Variants in DISP1 observed in about 807,000 individuals in gnomAD.
DISP1 encodes the protein dispatched RND transporter family member 1.
Under a neutral mutation model 37.3 loss-of-function variants are expected in DISP1, and 30 were observed. The ratio of observed to expected loss-of-function variants is 0.80; its 90% confidence interval spans 0.60 to 1.09. DISP1 has a LOEUF of 1.09. DISP1 is among the 50% of genes least tolerant of loss of function. DISP1 has a pLI of 0.00. For synonymous variants in DISP1, 634 were observed against 690.2 expected (o/e 0.92, Z 1.28); for missense variants, 1,598 against 1,879.5 (o/e 0.85, Z 2.77).
chr1:222,842,312 T>TAAA (rs764087826), intron 1 of DISP1, among the ~76,000 whole-genome samples: 11 of 146,922 alleles, frequency 7.5e-5, no homozygotes, highest in East Asian at 4.0e-4. Context: ...ACCTGTCATT[T>TAAA]TAAAAAAAAA....
intron 1 of DISP1, among the ~76,000 whole-genome samples, chr1:222,909,560 C>G (rs1204724304): frequency 6.6e-6 from 1 of 152,204 alleles, no homozygotes; most frequent in Non-Finnish European, 1.5e-5. Flanking sequence ...CCATGCTGAG[C>G]ACTCCAGTGT....
chr1:222,891,872 C>T (rs1011867302), intron 1 of DISP1, among the ~76,000 whole-genome samples: 2 of 151,636 alleles, frequency 1.3e-5, no homozygotes, highest in African/African-American at 2.4e-5. Flanking sequence ...ATATAAACAA[C>T]TATCTTAAGA....
At chr1:222,863,875 G>T (rs999675529) in intron 1 of DISP1, among the ~76,000 whole-genome samples, 3 of 151,896 alleles carry the variant, frequency 2.0e-5, no homozygotes, top group Non-Finnish European at 4.4e-5. Flanking sequence ...ATCTTTTTTG[G>T]TGTAATAAGA....
intron 1 of DISP1, among the ~76,000 whole-genome samples, chr1:222,870,700 C>T (rs909690905): frequency 2.0e-4 from 31 of 151,918 alleles, no homozygotes; most frequent in Non-Finnish European, 3.1e-4. Flanking sequence ...GCCCTTTGTC[C>T]GATGAGTAGA....
chr1:222,955,240 C>T (rs552321496), intron 3 of DISP1, among the ~76,000 whole-genome samples: 1 of 152,160 alleles, frequency 6.6e-6, no homozygotes, highest in East Asian at 1.9e-4. Context: ...ATGCATGCCA[C>T]CATGCCCAGC....
intron 2 of DISP1, among the ~76,000 whole-genome samples, chr1:222,931,994 G>A (rs184323945): frequency 7.9e-5 from 12 of 151,804 alleles, no homozygotes; most frequent in Admixed American, 6.6e-5. Context: ...AAGAAGTACT[G>A]CAGATGAAAT....
At chr1:222,942,712 A>G in intron 2 of DISP1, 95 bp from the exon 3 acceptor site, 1 of 1,455,648 alleles carries the variant, frequency 6.9e-7, no homozygotes, top group Non-Finnish European at 9.6e-7. Flanking sequence ...AAGAACCCTC[A>G]TTTTCAATGA....
At chr1:222,974,849 T>C (rs1401353470) in intron 3 of DISP1, among the ~76,000 whole-genome samples, 1 of 152,198 alleles carries the variant, frequency 6.6e-6, no homozygotes, top group Non-Finnish European at 1.5e-5. Flanking sequence ...GGCTTTGTTT[T>C]TGTTGGGAAT....
At chr1:222,891,574 CA>C (rs996183954) in intron 1 of DISP1, among the ~76,000 whole-genome samples, 1 of 150,716 alleles carries the variant, frequency 6.6e-6, no homozygotes, top group African/African-American at 2.4e-5. Context: ...AAAAAGCCAA[CA>C]AAAAAAACAA....
At chr1:222,899,266 A>G (rs1671449605) in intron 1 of DISP1, among the ~76,000 whole-genome samples, 1 of 152,174 alleles carries the variant, frequency 6.6e-6, no homozygotes, top group Admixed American at 6.5e-5. Context: ...GAGCAAGAAA[A>G]TAGTCTCCGA....
chr1:222,833,805 T>C (rs1336252496), intron 1 of DISP1, among the ~76,000 whole-genome samples: 1 of 152,208 alleles, frequency 6.6e-6, no homozygotes, highest in African/African-American at 2.4e-5. Flanking sequence ...GAACCTTGGC[T>C]GTTTCTCTTA....
At chr1:222,858,828 A>G (rs1668706806) in intron 1 of DISP1, among the ~76,000 whole-genome samples, 1 of 152,218 alleles carries the variant, frequency 6.6e-6, no homozygotes. Flanking sequence ...AACGTCTAGA[A>G]ACAACAGATG....
chr1:222,865,678 G>C (rs1468752452), intron 1 of DISP1, among the ~76,000 whole-genome samples: 1 of 152,112 alleles, frequency 6.6e-6, no homozygotes, highest in African/African-American at 2.4e-5. Flanking sequence ...GTTCTTTTCT[G>C]TGGGGCAAAG....
At position 222,990,823 on chromosome 1, in the gene DISP1, G is replaced by A; in HGVS notation, c.663+75G>A. 1.9e-6 allele frequency: 3 copies of A among 1,577,066 alleles called. No homozygotes were observed. The South Asian group carries it at 3.3e-5, about 18-fold the overall frequency. ...TGTATTTTAATACATGTTGCATTAT[G>A]TTATTTAGTAACCCATTTCTTTAAA... is the stretch of plus-strand genomic sequence containing the variant. On this transcript the variant is annotated intron_variant, in intron 5 of 8. Transcript: ENST00000675850.
Position 223,005,876 on chromosome 1 carries a change from T to C in DISP1, c.4479T>C (p.Ser1493=), listed in dbSNP as rs1447226479. The C allele has an allele frequency of 1.2e-6, 2 of 1,614,122 alleles. No individual in the cohort carries two copies. Among genetic ancestry groups the C allele is most frequent in the East Asian group, 4.5e-5 (2 of 44,904 alleles). ...GAATTGTGAGAGTGAAGTGCAATTC[T>C]GTGGACTGTCAAATGCCAAACATGG... The part of the protein sequence containing the change: ...CGRIVRVKCN[S]VDCQMPNMEA... Residue 1493 remains serine (S), a synonymous_variant, in exon 9 of 9, where the codon TCT becomes TCC. Coordinates refer to ENST00000675850, the MANE Select transcript of DISP1 (RefSeq NM_001377229.1).
intron 2 of DISP1, among the ~76,000 whole-genome samples, chr1:222,942,115 GAAAA>G (rs35492569): frequency 6.6e-6 from 1 of 150,716 alleles, no homozygotes; most frequent in East Asian, 1.9e-4. Flanking sequence ...AAAAAAGTAA[GAAAA>G]AAAACTCATT....
chr1:222,930,953 A>G (rs1326425635), intron 2 of DISP1, among the ~76,000 whole-genome samples: 2 of 151,996 alleles, frequency 1.3e-5, no homozygotes, highest in African/African-American at 2.4e-5. Flanking sequence ...ACTAAAGGAT[A>G]CTCATAGGAC....
In DISP1 at chr1:223,003,258, GCTAA is replaced by G. The variant is rs1572747927; in HGVS notation, c.1865_1868del (p.Asn622MetfsTer21). 1 of 1,614,190 alleles carries G rather than the reference GCTAA, an allele frequency of 6.2e-7. No homozygotes were observed. Among genetic ancestry groups the G allele is most frequent in the Non-Finnish European group, 8.5e-7 (1 of 1,180,038 alleles). ...TTTTACCACTGCTGCTGCCTTTTAT[GCTAA>G]CTATGTTAGCAACATTACAGCAATC... On this transcript the variant is annotated frameshift_variant, in exon 9 of 9. Coordinates refer to ENST00000675850, the MANE Select transcript of DISP1 (RefSeq NM_001377229.1). LOFTEE classifies it low-confidence loss of function (END_TRUNC). The surrounding 1 kb of genome is among the most constrained non-coding windows in gnomAD (Gnocchi z 4.3).
At chr1:222,846,331 A>G (rs1176302244) in intron 1 of DISP1, among the ~76,000 whole-genome samples, 1 of 152,196 alleles carries the variant, frequency 6.6e-6, no homozygotes, top group African/African-American at 2.4e-5. Flanking sequence ...GTCTCTACTA[A>G]AAATACAAAA....
Sources: allele counts gnomAD v4.1 joint callset (sites outside exome capture counted in the v4.1 genomes callset), GRCh38; gene constraint gnomAD v4.1.1; non-coding constraint Gnocchi (gnomAD v3.1); transcripts MANE v1.5; gene names NCBI Gene and HGNC (gene_info 2026-07-23, HGNC 2026-07-21).